ZDHHC23: variants seen among roughly 807,000 people sequenced by gnomAD.
The protein encoded by ZDHHC23 is zDHHC palmitoyltransferase 23.
A neutral mutation model predicts 40.2 loss-of-function variants in ZDHHC23; 41 were observed. That is an observed-to-expected ratio of 1.02 (90% confidence interval 0.79 to 1.32). ZDHHC23 has a LOEUF of 1.32. Ranked by LOEUF, ZDHHC23 falls within the 40% of genes most tolerant of loss-of-function variation. The pLI, the probability that ZDHHC23 is intolerant of heterozygous loss-of-function variation, is 0.00. For synonymous variants in ZDHHC23, 204 were observed against 210.2 expected (o/e 0.97, Z 0.26); for missense variants, 471 against 541.5 (o/e 0.87, Z 1.29).
downstream of ZDHHC23, chr3:113,965,200 T>G: frequency 2.5e-6 from 4 of 1,610,690 alleles, no homozygotes; most frequent in Non-Finnish European, 3.4e-6. Flanking sequence ...AAGTATCTGA[T>G]TGCTGATATA....
At chr3:113,965,370 A>G (rs774809348), downstream of ZDHHC23, 2 of 1,526,264 alleles carry the variant, frequency 1.3e-6, no homozygotes, top group African/African-American at 2.8e-5. Flanking sequence ...CTTTAAGAAT[A>G]AAGAAGGAAA....
At chr3:113,965,530 G>A (rs1940038133), downstream of ZDHHC23, 1 of 405,058 alleles carries the variant, frequency 2.5e-6, no homozygotes, top group Non-Finnish European at 4.3e-6. Context: ...AAAAAAATAA[G>A]GCAACAAAAG....
Position 113,953,812 on chromosome 3 carries a change from A to G in ZDHHC23, c.274A>G (p.Ile92Val), listed in dbSNP as rs998048195. 6.2e-7 allele frequency: 1 copy of G among 1,614,202 alleles called. No homozygotes were observed. The highest frequency in any genetic ancestry group is 8.5e-7 in the Non-Finnish European group (1 of 1,180,040). The change falls in exon 3 of 5, where the codon ATC (isoleucine) becomes GTC (valine). Residue 92 changes from isoleucine to valine, a missense_variant. Physicochemically the swap from Ile to Val is conservative, Grantham distance 29 (BLOSUM62 3). Transcript: ENST00000638807. ...LRGAKKVNIS[I>V]IPPLVLLPVF... ...GGGAGCCAAAAAAGTGAACATCAGC[A>G]TCATCCCTCCGCTTGTCCTGCTGCC...
rs1223511353 is a variant in ZDHHC23, at chr3:113,962,569, G to C, written c.*3939G>C. On this transcript the variant is annotated 3_prime_UTR_variant, in exon 5 of 5. Coordinates refer to ENST00000638807, the MANE Select transcript of ZDHHC23 (RefSeq NM_001320466.2). ...AAAATTCTGTATTTCTTAAGATGGA[G>C]CCACTGACGAGATGTCACAGTATAG... 1 of 152,164 alleles carries C rather than the reference G, an allele frequency of 6.6e-6. No individual in the cohort carries two copies. The highest frequency in any genetic ancestry group is 1.9e-4 in the East Asian group (1 of 5,194). 9.4% of individuals were successfully genotyped at this position (152,164 alleles called of 1,614,324 possible).
Position 113,958,488 on chromosome 3 carries a change from T to A in ZDHHC23, c.1166T>A (p.Leu389His), listed in dbSNP as rs773402712. 2 of 1,614,050 alleles carry A rather than the reference T, an allele frequency of 1.2e-6. No individual in the cohort carries two copies. The highest frequency in any genetic ancestry group is 1.7e-6 in the Non-Finnish European group (2 of 1,180,036). The change falls in exon 5 of 5, where the codon CTC becomes CAC. Residue 389 changes from leucine to histidine, a missense_variant. Transcript: ENST00000638807. ...ACTGAGCGGGAAGTCCAGCAGGCCC[T>A]CCGACAGAAGACTGGGCGCCGGCTC... Reference protein sequence around the residue: ...NVTEREVQQALRQKTGRRLLC... With the variant: ...NVTEREVQQAHRQKTGRRLLC...
intron 4 of ZDHHC23, among the ~76,000 whole-genome samples, chr3:113,957,072 T>G (rs1194889815): frequency 6.6e-6 from 1 of 152,200 alleles, no homozygotes; most frequent in East Asian, 1.9e-4. Context: ...AGGTCAAAAT[T>G]TCCTTAGGCC....
chr3:113,975,288 T>A, the ZDHHC23 span, among the ~76,000 whole-genome samples: 5 of 152,214 alleles, frequency 3.3e-5, no homozygotes, highest in African/African-American at 9.7e-5. Context: ...TCTTTCTCGA[T>A]GTTATTGCAG....
intron 2 of ZDHHC23, among the ~76,000 whole-genome samples, chr3:113,952,933 T>C (rs1461218428): frequency 6.6e-6 from 1 of 152,230 alleles, no homozygotes; most frequent in African/African-American, 2.4e-5. Context: ...CTCTTAATAC[T>C]CTTGCATTGG....
the ZDHHC23 span, among the ~76,000 whole-genome samples, chr3:113,972,815 T>C: frequency 1.3e-5 from 2 of 152,156 alleles, no homozygotes; most frequent in Non-Finnish European, 2.9e-5. Context: ...TAATGACCTT[T>C]CTTTATTTCT....
rs755096399 is a variant in ZDHHC23 at position 113,948,859 on chromosome 3, A to T, written c.57A>T (p.Glu19Asp). 1 of 1,614,202 alleles carries T rather than the reference A, an allele frequency of 6.2e-7. No individual in the cohort carries two copies. The highest frequency in any genetic ancestry group is 8.5e-7 in the Non-Finnish European group (1 of 1,180,036). The change falls in exon 2 of 5, where the codon GAA becomes GAT. Residue 19 changes from glutamate (E) to aspartate (D), a missense_variant. Glu to Asp is a conservative substitution (Grantham distance 45). Coordinates refer to ENST00000638807, the MANE Select transcript of ZDHHC23 (RefSeq NM_001320466.2). ...AGAAAAAGAAAACCGAAGAACCTGA[A>T]TTGGAGCCCCTGTGCTGCTGCGAGT... ...PVKKKKTEEP[E>D]LEPLCCCEYI...
At chr3:113,978,405 CA>C in the ZDHHC23 span, 1 of 1,442,978 alleles carries the variant, frequency 6.9e-7, no homozygotes, top group African/African-American at 1.4e-5. Flanking sequence ...ATAAACAGCA[CA>C]AAAGACAGAA....
At position 113,958,962 on chromosome 3, in the gene ZDHHC23, G is replaced by A; in HGVS notation, c.*332G>A. The A allele has an allele frequency of 1.7e-6, 2 of 1,191,252 alleles. No homozygotes were observed. Among genetic ancestry groups the A allele is most frequent in the Non-Finnish European group, 2.1e-6 (2 of 942,062 alleles). 73.8% of individuals were successfully genotyped at this position (1,191,252 alleles called of 1,614,324 possible). The stretch of plus-strand genomic sequence containing the variant: ...TATGGAGGAAAGAGTGTTGGATTAG[G>A]ATAGTTTCTAGTCCCTCTTTCGATT... On this transcript the variant is annotated 3_prime_UTR_variant, in exon 5 of 5. Coordinates refer to ENST00000638807, the MANE Select transcript of ZDHHC23 (RefSeq NM_001320466.2).
downstream of ZDHHC23, among the ~76,000 whole-genome samples, chr3:113,967,730 C>A (rs1559863517): frequency 6.6e-6 from 1 of 152,100 alleles, no homozygotes; most frequent in Non-Finnish European, 1.5e-5. Context: ...AACATTAGGC[C>A]TTATTGCTTC....
At chr3:113,975,945 A>ACTAT in the ZDHHC23 span, among the ~76,000 whole-genome samples, 2 of 152,184 alleles carry the variant, frequency 1.3e-5, no homozygotes, top group African/African-American at 4.8e-5. Flanking sequence ...AAATAGGATG[A>ACTAT]CTATCTTACT....
At position 113,948,346 on chromosome 3, in the gene ZDHHC23, G is replaced by A. The variant is rs551968994; in HGVS notation, c.-118+156G>A. ...TGAGCACTGCCAGGGAGCCTGGTGTGTCAGCCGCTGCTAGCGGGCATATGC... is the reference window on the plus strand; with the variant it reads ...TGAGCACTGCCAGGGAGCCTGGTGTATCAGCCGCTGCTAGCGGGCATATGC... On this transcript the variant is annotated intron_variant, in intron 1 of 4. Transcript: ENST00000638807. Among the ~76,000 whole-genome samples, 3 of 152,236 alleles carry A rather than the reference G, an allele frequency of 2.0e-5. No individual in the cohort carries two copies. The South Asian group carries it at 6.2e-4, about 32-fold the overall frequency.
Position 113,954,006 on chromosome 3 carries a change from C to G in ZDHHC23, c.468C>G (p.Phe156Leu). The change falls in exon 3 of 5, where the codon TTC (phenylalanine) becomes TTG (leucine). Residue 156 changes from phenylalanine (F) to leucine (L), a missense_variant. Coordinates refer to ENST00000638807, the MANE Select transcript of ZDHHC23 (RefSeq NM_001320466.2). Reference protein sequence around the residue: ...LFSLGYMYYVFLQEVVPKGRV... With the variant: ...LFSLGYMYYVLLQEVVPKGRV... Reference sequence around the variant, plus strand: ...CTCTGGGCTACATGTACTATGTGTTCCTGCAGGAAGTGGTCCCCAAAGGGC... The same window carrying G: ...CTCTGGGCTACATGTACTATGTGTTGCTGCAGGAAGTGGTCCCCAAAGGGC... 1 of 1,614,120 alleles carries G rather than the reference C, an allele frequency of 6.2e-7. No individual in the cohort carries two copies. The highest frequency in any genetic ancestry group is 8.5e-7 in the Non-Finnish European group (1 of 1,180,032).
chr3:113,951,673 G>A (rs1280447663), intron 2 of ZDHHC23, among the ~76,000 whole-genome samples: 1 of 152,164 alleles, frequency 6.6e-6, no homozygotes, highest in African/African-American at 2.4e-5. Flanking sequence ...AATGCCTTCA[G>A]GGTCCTTCCA....
At chr3:113,973,596 G>GTTTTT in the ZDHHC23 span, among the ~76,000 whole-genome samples, 7 of 145,560 alleles carry the variant, frequency 4.8e-5, no homozygotes, top group Admixed American at 6.8e-5. Context: ...TGGATGGCAG[G>GTTTTT]TTTTTTTTTT....
At chr3:113,971,384 A>G in the ZDHHC23 span, among the ~76,000 whole-genome samples, 5 of 152,314 alleles carry the variant, frequency 3.3e-5, no homozygotes, top group African/African-American at 1.2e-4. Flanking sequence ...GTGTCTGTTC[A>G]TACAGATGTT....
Sources: allele counts gnomAD v4.1 joint callset (sites outside exome capture counted in the v4.1 genomes callset), GRCh38; gene constraint gnomAD v4.1.1; transcripts MANE v1.5; gene names NCBI Gene and HGNC (gene_info 2026-07-23, HGNC 2026-07-21).